NDUFS1: variants seen among roughly 807,000 people sequenced by gnomAD.
NDUFS1 encodes the protein NADH:ubiquinone oxidoreductase core subunit S1.
A neutral mutation model predicts 84.4 loss-of-function variants in NDUFS1; 61 were observed. The ratio of observed to expected loss-of-function variants is 0.72; its 90% CI spans 0.59 to 0.89. The LOEUF is 0.89. NDUFS1 is among the 40% of genes least tolerant of loss of function. The pLI is 0.00. For synonymous variants in NDUFS1, 275 were observed against 290.0 expected (o/e 0.95, Z 0.53); for missense variants, 891 against 890.0 (o/e 1.00, Z -0.01).
chr2:206,157,343 T>A (rs1403696518), intron 1 of NDUFS1, among the ~76,000 whole-genome samples: 3 of 151,596 alleles, frequency 2.0e-5, no homozygotes. Flanking sequence ...TACTAAACTG[T>A]AGGTTAGTAA....
At chr2:206,130,015 A>G in intron 15 of NDUFS1, 73 bp downstream of exon 15, 1 of 1,576,410 alleles carries the variant, frequency 6.3e-7, no homozygotes, top group South Asian at 1.1e-5. Context: ...TTCACTAAAT[A>G]TATTACTAAA....
At chr2:206,134,911 A>G (rs775490986) in intron 13 of NDUFS1, among the ~76,000 whole-genome samples, 12 of 152,156 alleles carry the variant, frequency 7.9e-5, no homozygotes, top group Non-Finnish European at 1.0e-4. Flanking sequence ...CAGGAGTTTG[A>G]GGCTACAGTC....
At chr2:206,149,733 G>C (rs893498716) in intron 4 of NDUFS1, 85 bp downstream of exon 4, 1 of 961,734 alleles carries the variant, frequency 1.0e-6, no homozygotes, top group Non-Finnish European at 1.7e-6. Flanking sequence ...TCTCCACTAC[G>C]ATATTGATTC....
chr2:206,142,925 G>T (rs1021800835), intron 10 of NDUFS1, 94 bp from the exon 11 acceptor site: 1 of 1,521,244 alleles, frequency 6.6e-7, no homozygotes, highest in East Asian at 2.4e-5. Flanking sequence ...TTGTTTTCAA[G>T]TACAAAAAAA....
intron 13 of NDUFS1, among the ~76,000 whole-genome samples, chr2:206,135,457 G>A (rs550685052): frequency 1.3e-5 from 2 of 151,980 alleles, no homozygotes; most frequent in African/African-American, 2.4e-5. Context: ...GGCAGATCAC[G>A]AGGTCAGGAG....
chr2:206,147,466 A>T (rs550581880), intron 7 of NDUFS1, 65 bp downstream of exon 7: 2 of 1,487,656 alleles, frequency 1.3e-6, no homozygotes, highest in East Asian at 4.9e-5. Flanking sequence ...GTTATTATTC[A>T]TCAAATTGTG....
At position 206,148,971 on chromosome 2, in the gene NDUFS1, C is replaced by T. The variant is rs759293309; in HGVS notation, c.338+49G>A. The T allele has an allele frequency of 4.3e-6, 6 of 1,389,454 alleles. No homozygotes were observed. The Admixed American group carries it at 6.8e-5, about 16-fold the overall frequency. The allele number at this position is 1,389,454 out of a possible 1,614,324, so 86.1% of individuals were successfully genotyped here. A position where few individuals can be genotyped will look rare whatever the true frequency, so the allele number is the denominator to read the frequency against. ...GGGAAGGTCTAAATACCAAAATGTG[C>T]AATTTTCTGCTTTATGAAAGGGTAC... On this transcript the variant is annotated intron_variant, in intron 5 of 18. Transcript: ENST00000233190.
At chr2:206,139,278 C>G (rs1480018824) in intron 12 of NDUFS1, among the ~76,000 whole-genome samples, 1 of 151,992 alleles carries the variant, frequency 6.6e-6, no homozygotes, top group Non-Finnish European at 1.5e-5. Context: ...CTCCACCTCC[C>G]GGGTTCCAGC....
intron 13 of NDUFS1, among the ~76,000 whole-genome samples, chr2:206,136,371 C>T (rs1691713647): frequency 6.6e-6 from 1 of 151,432 alleles, no homozygotes; most frequent in African/African-American, 2.4e-5. Context: ...TTTCAATGTG[C>T]CTACCTCCAG....
intron 10 of NDUFS1, among the ~76,000 whole-genome samples, chr2:206,143,386 G>A (rs1692038077): frequency 6.6e-6 from 1 of 152,110 alleles, no homozygotes; most frequent in Admixed American, 6.6e-5. Context: ...TAGGAACAAA[G>A]GCACTTCAAA....
Position 206,142,004 on chromosome 2 carries a change from A to C in NDUFS1, c.1199T>G (p.Val400Gly). ...ACGTGGGTTTGTACCAACCAGAAGA[A>C]CAACATCTGCCTCTTCCACACCAGC... is the stretch of plus-strand genomic sequence containing the variant. ...TIAGVEEADV[V>G]LLVGTNPRFE... The change falls in exon 12 of 19, where the codon GTT becomes GGT. Residue 400 changes from valine (V) to glycine (G), a missense_variant. Physicochemically the swap from Val to Gly is moderately radical, Grantham distance 109. Transcript: ENST00000233190. The C allele has an allele frequency of 6.2e-7, 1 of 1,608,814 alleles. No individual in the cohort carries two copies. The highest frequency in any genetic ancestry group is 8.5e-7 in the Non-Finnish European group (1 of 1,175,152).
intron 18 of NDUFS1, among the ~76,000 whole-genome samples, chr2:206,125,498 T>G (rs976792948): frequency 2.0e-5 from 3 of 151,688 alleles, no homozygotes; most frequent in African/African-American, 7.3e-5. Context: ...CACACGTACA[T>G]GTAAACAGTA....
intron 13 of NDUFS1, among the ~76,000 whole-genome samples, chr2:206,133,318 T>C (rs1691586615): frequency 6.6e-6 from 1 of 152,170 alleles, no homozygotes; most frequent in Admixed American, 6.6e-5. Context: ...TGCCTGAGTA[T>C]CAGCTAAAAC....
At chr2:206,125,984 A>G (rs1215656586) in intron 18 of NDUFS1, among the ~76,000 whole-genome samples, 1 of 152,232 alleles carries the variant, frequency 6.6e-6, no homozygotes, top group Non-Finnish European at 1.5e-5. Context: ...AATCTTAGAT[A>G]CAAACTATAT....
At chr2:206,140,943 T>TATATACACACAC (rs367723817) in intron 12 of NDUFS1, among the ~76,000 whole-genome samples, 1 of 136,110 alleles carries the variant, frequency 7.3e-6, no homozygotes, top group East Asian at 2.1e-4. Flanking sequence ...TATATATATA[T>TATATACACACAC]ACACACACAC....
intron 18 of NDUFS1, 76 bp from the exon 19 acceptor site, chr2:206,124,352 C>T: frequency 9.1e-7 from 1 of 1,096,616 alleles, no homozygotes; most frequent in Non-Finnish European, 1.4e-6. Context: ...TAATGGTGCA[C>T]ATATTCAGGA....
intron 12 of NDUFS1, among the ~76,000 whole-genome samples, chr2:206,140,847 A>G (rs1559053769): frequency 6.6e-6 from 1 of 151,462 alleles, no homozygotes; most frequent in East Asian, 1.9e-4. Context: ...TTTAGGTATA[A>G]AAGGGCACCA....
chr2:206,138,322 C>T (rs1691800724), intron 13 of NDUFS1, among the ~76,000 whole-genome samples, 163 bp downstream of exon 13: 1 of 152,234 alleles, frequency 6.6e-6, no homozygotes, highest in South Asian at 2.1e-4. Flanking sequence ...CTCAGGTGAT[C>T]CACCTGCCTC....
intron 15 of NDUFS1, among the ~76,000 whole-genome samples, chr2:206,129,174 C>A (rs1464400144): frequency 1.3e-5 from 2 of 151,926 alleles, no homozygotes; most frequent in Admixed American, 6.6e-5. Flanking sequence ...TTTGTATATG[C>A]GTATGAAGAT....
Sources: allele counts gnomAD v4.1 joint callset (sites outside exome capture counted in the v4.1 genomes callset), GRCh38; gene constraint gnomAD v4.1.1; transcripts MANE v1.5; gene names NCBI Gene and HGNC (gene_info 2026-07-23, HGNC 2026-07-21).